The following SEC14L1 variants were observed in gnomAD, a reference collection of about 807,000 sequenced individuals.
SEC14L1 encodes SEC14-like protein 1.
A neutral mutation model predicts 85.3 loss-of-function variants in SEC14L1; 48 were observed. That is an observed-to-expected ratio of 0.56 (90% CI 0.45 to 0.72). SEC14L1 has a LOEUF of 0.72. SEC14L1 is among the 30% of genes least tolerant of loss of function. SEC14L1 has a pLI of 0.00. For synonymous variants in SEC14L1, 391 were observed against 355.5 expected (o/e 1.10, Z -1.12); for missense variants, 682 against 921.4 (o/e 0.74, Z 3.36).
At chr17:77,183,514 A>G (rs1362013753) in intron 3 of SEC14L1, among the ~76,000 whole-genome samples, 1 of 152,230 alleles carries the variant, frequency 6.6e-6, no homozygotes, top group Non-Finnish European at 1.5e-5. Flanking sequence ...CTGTGGTCCC[A>G]GCTACTTGGG....
At position 77,161,712 on chromosome 17, in the gene SEC14L1, CTTTTTTTTTTTTTT is replaced by C. The variant is rs763767954; in HGVS notation, c.63+18064_63+18077del. 4.9e-5 allele frequency among the ~76,000 whole-genome samples: 5 copies of C among 103,056 alleles called. No individual in the cohort carries two copies. The South Asian group carries it at 1.4e-3, about 29-fold the overall frequency. The allele number at this position is 103,056 out of a possible 152,430, so 67.6% of individuals were successfully genotyped here. ...AATCAGCTGGGTCCTTAAATTGGTT[CTTTTTTTTTTTTTT>C]TTTTTTTTTTAAACAACCAGAGGTT... On this transcript the variant is annotated intron_variant, in intron 3 of 16. Transcript: ENST00000436233.
rs115049467 is a variant in SEC14L1, at chr17:77,148,719, C to T, written c.63+5060C>T. Among the ~76,000 whole-genome samples, 111 of 152,308 alleles carry T rather than the reference C, an allele frequency of 7.3e-4. 1 individual carries two copies. The highest frequency in any genetic ancestry group is 2.5e-3 in the African/African-American group (104 of 41,582). On this transcript the variant is annotated intron_variant, in intron 3 of 16. Coordinates refer to ENST00000436233, the MANE Select transcript of SEC14L1 (RefSeq NM_001143998.2). ...CCCTTTGCAGGGAAAGACCAGGGGT[C>T]CCTTGTTCCTTTGCGCACTCACATC...
At chr17:77,200,225 A>G (rs781049592) in intron 8 of SEC14L1, among the ~76,000 whole-genome samples, 1 of 152,108 alleles carries the variant, frequency 6.6e-6, no homozygotes, top group Non-Finnish European at 1.5e-5. Context: ...TTTTTAGGGC[A>G]GTAATGTGAT....
At chr17:77,135,854 C>T (rs1972779834) in intron 3 of SEC14L1, among the ~76,000 whole-genome samples, 1 of 150,434 alleles carries the variant, frequency 6.6e-6, no homozygotes, top group African/African-American at 2.4e-5. Context: ...CTCTTTCCTT[C>T]TTTCCTTCCT....
chr17:77,112,169 A>AGCCCT, intron 3 of SEC14L1, among the ~76,000 whole-genome samples: 1 of 152,086 alleles, frequency 6.6e-6, no homozygotes, highest in Non-Finnish European at 1.5e-5. Context: ...CTGTGAAGAA[A>AGCCCT]GTGCCTTTCT....
At chr17:77,188,781 C>T (rs559996410) in intron 3 of SEC14L1, among the ~76,000 whole-genome samples, 1 of 152,140 alleles carries the variant, frequency 6.6e-6, no homozygotes, top group African/African-American at 2.4e-5. Context: ...TTCAGTTCTT[C>T]CACATCCCAA....
chr17:77,168,153 C>T (rs918814602), intron 3 of SEC14L1, among the ~76,000 whole-genome samples: 7 of 152,142 alleles, frequency 4.6e-5, no homozygotes, highest in Admixed American at 1.3e-4. Flanking sequence ...GGGCCACAAG[C>T]GTGGGAGGGT....
At chr17:77,132,842 C>A (rs1288381247) in intron 3 of SEC14L1, among the ~76,000 whole-genome samples, 2 of 148,370 alleles carry the variant, frequency 1.3e-5, no homozygotes, top group Non-Finnish European at 1.5e-5. Context: ...AAACTATACC[C>A]CAATCCTCCT....
At chr17:77,188,484 TC>T (rs1009706039) in intron 3 of SEC14L1, among the ~76,000 whole-genome samples, 2 of 151,912 alleles carry the variant, frequency 1.3e-5, no homozygotes, top group African/African-American at 4.8e-5. Context: ...AATAGTTCAT[TC>T]TTTTTTTTTG....
intron 3 of SEC14L1, among the ~76,000 whole-genome samples, chr17:77,118,625 T>C (rs1323889098): frequency 6.6e-6 from 1 of 152,196 alleles, no homozygotes; most frequent in Non-Finnish European, 1.5e-5. Context: ...GCGCTTAACG[T>C]AAGGAAAGCC....
intron 3 of SEC14L1, among the ~76,000 whole-genome samples, chr17:77,148,285 CTTCTGAACCCGA>C (rs1035825179): frequency 2.0e-5 from 3 of 152,044 alleles, no homozygotes; most frequent in Non-Finnish European, 4.4e-5. Flanking sequence ...GAGAGGCCAC[CTTCTGAACCCGA>C]TTTTTGTGGT....
At chr17:77,189,789 C>T (rs1179946886) in intron 3 of SEC14L1, among the ~76,000 whole-genome samples, 3 of 152,112 alleles carry the variant, frequency 2.0e-5, no homozygotes, top group South Asian at 2.1e-4. Flanking sequence ...CCACCACGCC[C>T]GGCTAATTTT....
At chr17:77,191,801 T>G (rs1423234066) in intron 5 of SEC14L1, among the ~76,000 whole-genome samples, 1 of 145,244 alleles carries the variant, frequency 6.9e-6, no homozygotes, top group Non-Finnish European at 1.5e-5. Flanking sequence ...TTGGCCTAAT[T>G]TTTTTTTTTT....
chr17:77,203,096 A>G (rs1976256010), intron 9 of SEC14L1, among the ~76,000 whole-genome samples: 1 of 152,192 alleles, frequency 6.6e-6, no homozygotes, highest in Admixed American at 6.5e-5. Flanking sequence ...ATGACATGAA[A>G]AAAAATGATT....
At chr17:77,198,040 T>G (rs1254160978) in intron 8 of SEC14L1, among the ~76,000 whole-genome samples, 2 of 152,262 alleles carry the variant, frequency 1.3e-5, no homozygotes, top group Non-Finnish European at 2.9e-5. Flanking sequence ...TTATAGATTG[T>G]CTATAAAATG....
intron 3 of SEC14L1, among the ~76,000 whole-genome samples, chr17:77,114,544 G>A (rs11652039): frequency 0.17 from 24,910 of 148,514 alleles, 2,224 homozygotes; most frequent in East Asian, 0.41. Flanking sequence ...AACAAAAAAG[G>A]CAGGCACTGG....
At chr17:77,141,797 T>C (rs1453604429) in intron 1 of SEC14L1, 1 of 152,270 alleles carries the variant, frequency 6.6e-6, no homozygotes, top group Non-Finnish European at 1.5e-5. Context: ...ATTACGCTTT[T>C]TTGCTTCTTC....
chr17:77,169,007 C>CTTTTTTTTTTTTTTTTTTTTTTTTT (rs71160208), intron 3 of SEC14L1, among the ~76,000 whole-genome samples: 1 of 77,832 alleles, frequency 1.3e-5, no homozygotes, highest in Admixed American at 1.6e-4. Flanking sequence ...TGAGGAGCAT[C>CTTTTTTTTTTTTTTTTTTTTTTTTT]TTTTTTTTTT....
chr17:77,127,503 C>A (rs1237794433), intron 3 of SEC14L1, among the ~76,000 whole-genome samples: 2 of 152,160 alleles, frequency 1.3e-5, no homozygotes, highest in African/African-American at 2.4e-5. Flanking sequence ...GCACCCACCA[C>A]CACGCCTGGC....
Sources: allele counts gnomAD v4.1 joint callset (sites outside exome capture counted in the v4.1 genomes callset), GRCh38; gene constraint gnomAD v4.1.1; transcripts MANE v1.5; gene names NCBI Gene and HGNC (gene_info 2026-07-23, HGNC 2026-07-21).